Variants in IL1RAPL1 observed in about 807,000 individuals in gnomAD.
IL1RAPL1 encodes interleukin-1 receptor accessory protein-like 1.
In IL1RAPL1, 3 loss-of-function variants were observed where a neutral mutation model predicts 48.4. The observed-to-expected ratio is 0.06, with a 90% CI of 0.03 to 0.16. IL1RAPL1 has a LOEUF of 0.16. Among genes scored for constraint, IL1RAPL1 ranks in the 10% least tolerant of loss-of-function variants. IL1RAPL1 has a pLI of 1.00. For missense variants in IL1RAPL1, 349 were observed against 530.6 expected, an observed-to-expected ratio of 0.66 and a Z score of 3.36; for synonymous variants, 185 against 187.7, an observed-to-expected ratio of 0.99 and a Z score of 0.12.
chrX:28,968,017 A>G (rs940582182), intron 2 of IL1RAPL1, among the ~76,000 whole-genome samples: 2 of 111,629 alleles, frequency 1.8e-5, no homozygotes, highest in African/African-American at 6.5e-5. Flanking sequence ...CTTTTCTCAT[A>G]AGGGCAGTGC....
At chrX:29,040,472 G>A (rs1026667156) in intron 2 of IL1RAPL1, among the ~76,000 whole-genome samples, 2 of 111,771 alleles carry the variant, frequency 1.8e-5, no homozygotes, top group Non-Finnish European at 3.8e-5. Flanking sequence ...TTTCCAATGA[G>A]CTCTTTGTGC....
chrX:29,107,273 T>C (rs1482521609), intron 2 of IL1RAPL1, among the ~76,000 whole-genome samples: 1 of 112,450 alleles, frequency 8.9e-6, no homozygotes, highest in Non-Finnish European at 1.9e-5. Context: ...ACAAAACCCT[T>C]TCTCTTTATA....
In IL1RAPL1 at chrX:28,682,263, T is replaced by C. The variant is rs190276333; in HGVS notation, c.-25+94216T>C. 3.8e-4 allele frequency among the ~76,000 whole-genome samples: 42 copies of C among 111,721 alleles called. No individual in the cohort carries two copies. The East Asian group carries it at 9.8e-3, about 26-fold the overall frequency. ...GCTGCTCTGAAGATTAATGTATAAG[T>C]ACCTATTTTCAATTCTGTTTTTTTT... On this transcript the variant is annotated intron_variant, in intron 1 of 10. Transcript: ENST00000378993.
chrX:29,685,782 C>T (rs746997125), intron 6 of IL1RAPL1, among the ~76,000 whole-genome samples: 2 of 109,454 alleles, frequency 1.8e-5, no homozygotes, highest in South Asian at 3.9e-4. Context: ...GTCAGGAGTT[C>T]GAGACCGGCC....
At chrX:29,673,938 T>C (rs1183393961) in intron 6 of IL1RAPL1, among the ~76,000 whole-genome samples, 1 of 112,149 alleles carries the variant, frequency 8.9e-6, no homozygotes, top group Non-Finnish European at 1.9e-5. Context: ...ATTAAACAGA[T>C]GATAAATCAA....
intron 6 of IL1RAPL1, among the ~76,000 whole-genome samples, chrX:29,838,109 G>A (rs1183542962): frequency 1.8e-5 from 2 of 111,417 alleles, no homozygotes; most frequent in Non-Finnish European, 3.8e-5. Flanking sequence ...GTCTGTTTGG[G>A]GTGACCTCTT....
intron 2 of IL1RAPL1, among the ~76,000 whole-genome samples, chrX:29,282,327 A>T (rs1196227750): frequency 8.9e-6 from 1 of 112,296 alleles, no homozygotes; most frequent in Non-Finnish European, 1.9e-5. Flanking sequence ...TAGCTTACCG[A>T]ATGGCAGAAA....
chrX:29,698,591 AAGGG>A (rs949831180), intron 6 of IL1RAPL1, among the ~76,000 whole-genome samples: 5 of 107,636 alleles, frequency 4.6e-5, no homozygotes, highest in Admixed American at 2.0e-4. Context: ...GGATAGAAGG[AAGGG>A]AGGGAGGGAG....
At chrX:29,402,963 T>A (rs1934013267) in intron 5 of IL1RAPL1, among the ~76,000 whole-genome samples, 1 of 111,838 alleles carries the variant, frequency 8.9e-6, no homozygotes, top group Admixed American at 9.5e-5. Context: ...CTGTTGATGT[T>A]GATCTTGATC....
intron 1 of IL1RAPL1, among the ~76,000 whole-genome samples, chrX:28,704,421 AACACAC>A (rs71703533): frequency 0.029 from 2,548 of 89,238 alleles, 31 homozygotes; most frequent in African/African-American, 0.041. Flanking sequence ...AAAACACACA[AACACAC>A]ACACACACAC....
At chrX:29,045,609 G>T (rs749081515) in intron 2 of IL1RAPL1, among the ~76,000 whole-genome samples, 7 of 111,206 alleles carry the variant, frequency 6.3e-5, no homozygotes, top group Non-Finnish European at 1.3e-4. Context: ...AGAACTACAG[G>T]CATGGGCACT....
At chrX:29,189,000 A>G (rs772689888) in intron 2 of IL1RAPL1, among the ~76,000 whole-genome samples, 2 of 112,352 alleles carry the variant, frequency 1.8e-5, no homozygotes, top group African/African-American at 6.5e-5. Context: ...ACTGTGAGCC[A>G]TAAGAAGGGA....
intron 6 of IL1RAPL1, among the ~76,000 whole-genome samples, chrX:29,878,339 G>A (rs994817725): frequency 1.8e-4 from 20 of 111,739 alleles, no homozygotes; most frequent in Non-Finnish European, 3.6e-4. Context: ...CCATTTTCCT[G>A]GCCCTTTGCT....
intron 3 of IL1RAPL1, among the ~76,000 whole-genome samples, chrX:29,312,996 A>C (rs764632256): frequency 3.0e-4 from 33 of 111,428 alleles, no homozygotes; most frequent in Admixed American, 8.6e-4. Flanking sequence ...CATTAAACCT[A>C]TTTTTCTTCC....
At chrX:29,227,704 G>A (rs1401436227) in intron 2 of IL1RAPL1, among the ~76,000 whole-genome samples, 3 of 111,799 alleles carry the variant, frequency 2.7e-5, no homozygotes, top group African/African-American at 9.7e-5. Flanking sequence ...ATAAATTATG[G>A]TGCAGAATAT....
chrX:29,319,010 A>G (rs1203394814), intron 3 of IL1RAPL1, among the ~76,000 whole-genome samples: 2 of 111,619 alleles, frequency 1.8e-5, no homozygotes. Context: ...TTAAGTGACA[A>G]TAAGTATTTG....
intron 2 of IL1RAPL1, among the ~76,000 whole-genome samples, chrX:29,040,983 G>A (rs377137282): frequency 8.4e-4 from 94 of 112,391 alleles, no homozygotes; most frequent in Admixed American, 3.7e-3. Flanking sequence ...AGCATTTCTA[G>A]TTTAATAGGA....
chrX:28,747,475 T>G (rs971361087), intron 1 of IL1RAPL1, among the ~76,000 whole-genome samples: 2 of 110,621 alleles, frequency 1.8e-5, no homozygotes, highest in Non-Finnish European at 3.8e-5. Context: ...ATCCCGTCTC[T>G]ACTGAAAACA....
intron 3 of IL1RAPL1, among the ~76,000 whole-genome samples, chrX:29,303,689 G>C (rs1178761062): frequency 9.0e-6 from 1 of 111,669 alleles, no homozygotes; most frequent in Non-Finnish European, 1.9e-5. Flanking sequence ...CTTTTAAATA[G>C]AAATTACATA....
Sources: allele counts gnomAD v4.1 joint callset (sites outside exome capture counted in the v4.1 genomes callset), GRCh38; gene constraint gnomAD v4.1.1; transcripts MANE v1.5; gene names NCBI Gene and HGNC (gene_info 2026-07-23, HGNC 2026-07-21).